The following PAPPA2 variants were observed in gnomAD, a reference collection of about 807,000 sequenced individuals.
PAPPA2 encodes pappalysin-2.
Under a neutral mutation model 176.4 loss-of-function variants are expected in PAPPA2, and 86 were observed. The observed-to-expected ratio is 0.49, with a 90% confidence interval of 0.41 to 0.58. The LOEUF is 0.58. Among genes scored for constraint, PAPPA2 ranks in the 20% least tolerant of loss-of-function variants. PAPPA2 has a pLI of 0.00. For synonymous variants in PAPPA2, 809 were observed against 852.2 expected (o/e 0.95, Z 0.88); for missense variants, 2,073 against 2,256.9 (o/e 0.92, Z 1.65).
chr1:176,492,186 T>A (rs1647327104), intron 1 of PAPPA2, among the ~76,000 whole-genome samples: 1 of 152,204 alleles, frequency 6.6e-6, no homozygotes, highest in South Asian at 2.1e-4. Flanking sequence ...CAGTGCTGTA[T>A]GTCTCCCTTG....
chr1:176,638,395 G>A (rs572800478), intron 3 of PAPPA2, among the ~76,000 whole-genome samples: 3 of 152,004 alleles, frequency 2.0e-5, no homozygotes, highest in Non-Finnish European at 4.4e-5. Context: ...AGGAGGTGGT[G>A]GGTAGATATT....
chr1:176,705,205 C>G (rs537241621), intron 9 of PAPPA2, among the ~76,000 whole-genome samples: 2 of 152,166 alleles, frequency 1.3e-5, no homozygotes, highest in East Asian at 1.9e-4. Flanking sequence ...CATTGAACCA[C>G]ATTGCATTTA....
At chr1:176,637,925 G>A (rs760659873) in intron 3 of PAPPA2, among the ~76,000 whole-genome samples, 3 of 151,896 alleles carry the variant, frequency 2.0e-5, no homozygotes, top group Non-Finnish European at 2.9e-5. Context: ...GCCCAAGAGG[G>A]TCACCATGAC....
intron 17 of PAPPA2, among the ~76,000 whole-genome samples, chr1:176,777,667 T>A (rs1664521102): frequency 1.3e-5 from 2 of 152,162 alleles, no homozygotes; most frequent in Non-Finnish European, 2.9e-5. Flanking sequence ...AAGTTACTGA[T>A]CTGTAGTGAA....
chr1:176,805,656 C>G (rs1283886755), intron 21 of PAPPA2, among the ~76,000 whole-genome samples: 2 of 152,094 alleles, frequency 1.3e-5, no homozygotes, highest in Non-Finnish European at 2.9e-5. Flanking sequence ...ACACATGTAA[C>G]TTTGTGAGGA....
intron 12 of PAPPA2, among the ~76,000 whole-genome samples, chr1:176,722,312 C>T (rs897871747): frequency 4.0e-5 from 6 of 148,984 alleles, no homozygotes; most frequent in African/African-American, 1.5e-4. Flanking sequence ...CTAATATCTT[C>T]CTTTCAAGAT....
chr1:176,560,020 T>G (rs909782657), intron 2 of PAPPA2, among the ~76,000 whole-genome samples: 3 of 152,226 alleles, frequency 2.0e-5, no homozygotes, highest in Non-Finnish European at 2.9e-5. Context: ...TGTTGCTTCA[T>G]TCACAGGAGA....
At chr1:176,786,311 A>G (rs1007302337) in intron 17 of PAPPA2, among the ~76,000 whole-genome samples, 1 of 151,826 alleles carries the variant, frequency 6.6e-6, no homozygotes, top group Non-Finnish European at 1.5e-5. Context: ...ACCAGGCAAA[A>G]CTCCTCTATG....
chr1:176,513,025 A>C (rs1351099516), intron 1 of PAPPA2, among the ~76,000 whole-genome samples: 1 of 152,202 alleles, frequency 6.6e-6, no homozygotes, highest in Non-Finnish European at 1.5e-5. Context: ...GAAGGACCAG[A>C]ACTTATACCA....
Position 176,676,043 on chromosome 1 carries a change from C to G in PAPPA2, c.2137+4928C>G, listed in dbSNP as rs183150312. Among the ~76,000 whole-genome samples, 54 of 151,934 alleles carry G rather than the reference C, an allele frequency of 3.6e-4. 1 individual carries two copies. Among genetic ancestry groups the G allele is most frequent in the African/African-American group, 1.3e-3 (53 of 41,484 alleles). On this transcript the variant is annotated intron_variant, in intron 4 of 22. Transcript: ENST00000367662. ...ACCACAGCAAGGTAACACTACAAAC[C>G]CATCAGAAGAGCTAAAATAAAAAAT...
At chr1:176,781,831 C>G (rs1380083950) in intron 17 of PAPPA2, among the ~76,000 whole-genome samples, 1 of 152,146 alleles carries the variant, frequency 6.6e-6, no homozygotes, top group East Asian at 1.9e-4. Flanking sequence ...TATTGCTGCT[C>G]TAGGTACCAC....
intron 4 of PAPPA2, among the ~76,000 whole-genome samples, chr1:176,684,511 G>A (rs1017185768): frequency 6.6e-6 from 1 of 152,068 alleles, no homozygotes; most frequent in Non-Finnish European, 1.5e-5. Flanking sequence ...CACCAAAGAA[G>A]GGATTCAACT....
chr1:176,495,578 A>G (rs1263476675), intron 1 of PAPPA2, among the ~76,000 whole-genome samples: 1 of 151,818 alleles, frequency 6.6e-6, no homozygotes, highest in Non-Finnish European at 1.5e-5. Context: ...AAAGAAACTT[A>G]ACAGCTAGAG....
chr1:176,746,206 T>G (rs962206920), intron 14 of PAPPA2, among the ~76,000 whole-genome samples: 3 of 152,134 alleles, frequency 2.0e-5, no homozygotes, highest in African/African-American at 7.2e-5. Flanking sequence ...ACATGCTAGC[T>G]GGTAAAGAGA....
Position 176,556,574 on chromosome 1 carries a change from G to A in PAPPA2, c.252G>A (p.Val84=). Residue 84 remains valine, a synonymous_variant, in exon 2 of 23, where the codon GTG becomes GTA. Coordinates refer to ENST00000367662, the MANE Select transcript of PAPPA2 (RefSeq NM_020318.3). ...GGAACTACCTAAGGCCCTACCCCGT[G>A]GGGGAGCAAGAAATCCATCATACAG... is the stretch of plus-strand genomic sequence containing the variant. The part of the protein sequence containing the change: ...RAGNYLRPYP[V]GEQEIHHTGR... The A allele has an allele frequency of 6.2e-7, 1 of 1,614,142 alleles. No homozygotes were observed. Among genetic ancestry groups the A allele is most frequent in the Non-Finnish European group, 8.5e-7 (1 of 1,180,024 alleles).
intron 17 of PAPPA2, among the ~76,000 whole-genome samples, chr1:176,779,520 A>ACACACG: frequency 1.0e-5 from 1 of 99,076 alleles, no homozygotes; most frequent in Non-Finnish European, 2.3e-5. Flanking sequence ...ACACACACAC[A>ACACACG]GAGAGAGAGA....
At chr1:176,699,664 A>T in intron 8 of PAPPA2, 75 bp downstream of exon 8, 2 of 1,513,806 alleles carry the variant, frequency 1.3e-6, no homozygotes, top group Admixed American at 4.3e-5. Context: ...CCCACTTTTT[A>T]ATATTCAGCC....
chr1:176,504,424 A>G lies in PAPPA2; in HGVS notation c.-917+41006A>G, dbSNP rs189029553. Among the ~76,000 whole-genome samples the G allele has an allele frequency of 3.3e-3, 507 of 152,264 alleles. 10 individuals are homozygous for G. The highest frequency in any genetic ancestry group is 0.031 in the Admixed American group (476 of 15,278). On this transcript the variant is annotated intron_variant, in intron 1 of 22. Transcript: ENST00000367662. ...CTTTACACAAATGAAAGTATGTTATATACACTATTATGTTATCTTCCTTTT... is the reference window on the plus strand; with the variant it reads ...CTTTACACAAATGAAAGTATGTTATGTACACTATTATGTTATCTTCCTTTT...
At chr1:176,781,342 T>G (rs1384140920) in intron 17 of PAPPA2, among the ~76,000 whole-genome samples, 5 of 149,390 alleles carry the variant, frequency 3.3e-5, no homozygotes, top group Admixed American at 6.8e-5. Context: ...CTATTTTACA[T>G]GTGAGAAGAG....
Sources: allele counts gnomAD v4.1 joint callset (sites outside exome capture counted in the v4.1 genomes callset), GRCh38; gene constraint gnomAD v4.1.1; transcripts MANE v1.5; gene names NCBI Gene and HGNC (gene_info 2026-07-23, HGNC 2026-07-21).